The following YTHDC1 variants were observed in gnomAD, a reference collection of about 807,000 sequenced individuals.
YTHDC1 encodes the protein YTH N6-methyladenosine RNA binding protein C1.
Under a neutral mutation model 107.0 loss-of-function variants are expected in YTHDC1, and 12 were observed. The observed-to-expected ratio is 0.11, with a 90% CI of 0.07 to 0.18. The LOEUF (loss-of-function observed/expected upper bound fraction) is 0.18. Among genes scored for constraint, YTHDC1 ranks in the 10% least tolerant of loss-of-function variants. YTHDC1 has a pLI of 1.00. For synonymous variants in YTHDC1, 280 were observed against 289.5 expected (o/e 0.97, Z 0.33); for missense variants, 635 against 898.8 (o/e 0.71, Z 3.75).
Position 68,337,043 on chromosome 4 carries a change from T to C in YTHDC1, c.867A>G (p.Ser289=), listed in dbSNP as rs1242025116. 1.2e-6 allele frequency: 2 copies of C among 1,611,714 alleles called. No homozygotes were observed. Among genetic ancestry groups the C allele is most frequent in the African/African-American group, 1.3e-5 (1 of 74,918 alleles). Residue 289 remains serine, a synonymous_variant, in exon 4 of 17, where the codon TCA becomes TCG. Transcript: ENST00000344157. ...AAGTAGTACCTGATCCATCTGTGCCTGAACCAGATCTGACAGACCCATCTG... is the reference window on the plus strand; with the variant it reads ...AAGTAGTACCTGATCCATCTGTGCCCGAACCAGATCTGACAGACCCATCTG... ...SFTDGSVRSG[S]GTDGSDEKKK...
chr4:68,321,624 T>C (rs968467279), intron 11 of YTHDC1, among the ~76,000 whole-genome samples: 1 of 152,184 alleles, frequency 6.6e-6, no homozygotes, highest in Non-Finnish European at 1.5e-5. Flanking sequence ...AAAGACATCT[T>C]GGTGCTCAGT....
Position 68,346,505 on chromosome 4 carries a change from T to A in YTHDC1, c.28+3221A>T, listed in dbSNP as rs560770441. 3.9e-4 allele frequency among the ~76,000 whole-genome samples: 60 copies of A among 152,290 alleles called. 1 individual carries two copies. The South Asian group carries it at 8.1e-3, about 21-fold the overall frequency. On this transcript the variant is annotated intron_variant, in intron 1 of 16. Coordinates refer to ENST00000344157, the MANE Select transcript of YTHDC1 (RefSeq NM_001031732.4). ...GTCCAAAGATATAAAAATGGAGAATTCCAGAAATAATTCATAAGTTTTAAA... is the reference window on the plus strand; with the variant it reads ...GTCCAAAGATATAAAAATGGAGAATACCAGAAATAATTCATAAGTTTTAAA...
chr4:68,319,630 T>C (rs1722230520), intron 12 of YTHDC1, among the ~76,000 whole-genome samples: 1 of 152,146 alleles, frequency 6.6e-6, no homozygotes, highest in South Asian at 2.1e-4. Context: ...TGAATATAGT[T>C]TGCTCTCTTA....
intron 6 of YTHDC1, 78 bp downstream of exon 6, chr4:68,332,716 G>T: frequency 7.8e-7 from 1 of 1,278,664 alleles, no homozygotes; most frequent in Non-Finnish European, 1.1e-6. Context: ...ATTAAAAGCA[G>T]CTATTAATGG....
intron 4 of YTHDC1, among the ~76,000 whole-genome samples, chr4:68,335,421 T>C (rs894906299): frequency 2.0e-5 from 3 of 152,288 alleles, no homozygotes; most frequent in East Asian, 3.9e-4. Flanking sequence ...AGAGTTTTGA[T>C]ATCAAGATTT....
At chr4:68,328,595 ATAATT>A (rs1723240527) in intron 9 of YTHDC1, among the ~76,000 whole-genome samples, 1 of 152,214 alleles carries the variant, frequency 6.6e-6, no homozygotes, top group African/African-American at 2.4e-5. Context: ...GAGACAAACT[ATAATT>A]TAACTAATTT....
chr4:68,316,701 T>C (rs1488519880), intron 15 of YTHDC1, among the ~76,000 whole-genome samples: 1 of 152,200 alleles, frequency 6.6e-6, no homozygotes, highest in African/African-American at 2.4e-5. Flanking sequence ...ACATGGTGCT[T>C]ACTGTGAGCC....
chr4:68,314,423 A>AT, intron 16 of YTHDC1, 100 bp from the exon 17 acceptor site: 2 of 1,013,330 alleles, frequency 2.0e-6, no homozygotes, highest in Non-Finnish European at 2.7e-6. Flanking sequence ...ATTTTAAAAT[A>AT]TAAAAAAAGA....
intron 15 of YTHDC1, among the ~76,000 whole-genome samples, chr4:68,317,082 G>A (rs1236529206): frequency 6.6e-6 from 1 of 152,082 alleles, no homozygotes; most frequent in Non-Finnish European, 1.5e-5. Flanking sequence ...AAATTAGCCA[G>A]GCACAGTGGC....
At chr4:68,340,545 C>T (rs1024383313) in intron 1 of YTHDC1, among the ~76,000 whole-genome samples, 2 of 151,816 alleles carry the variant, frequency 1.3e-5, no homozygotes, top group South Asian at 2.1e-4. Flanking sequence ...ACACCATTTT[C>T]GGACTCTAAA....
At chr4:68,317,363 GAA>G (rs1207555174) in intron 15 of YTHDC1, among the ~76,000 whole-genome samples, 1 of 151,958 alleles carries the variant, frequency 6.6e-6, no homozygotes, top group Non-Finnish European at 1.5e-5. Context: ...ATCTAAAGGG[GAA>G]AAGTCTCATA....
chr4:68,338,637 C>T (rs966802185), intron 1 of YTHDC1, among the ~76,000 whole-genome samples: 6 of 152,186 alleles, frequency 3.9e-5, no homozygotes, highest in African/African-American at 9.7e-5. Context: ...AATCACGTGA[C>T]GCCAGGAGTT....
chr4:68,323,999 A>G (rs1722709782), intron 10 of YTHDC1, 140 bp downstream of exon 10: 3 of 690,886 alleles, frequency 4.3e-6, no homozygotes, highest in Non-Finnish European at 4.8e-6. Context: ...CACAGTTATT[A>G]TAAACTTCAG....
chr4:68,349,029 G>A lies in YTHDC1; in HGVS notation c.28+697C>T, dbSNP rs1725765564. On this transcript the variant is annotated intron_variant, in intron 1 of 16. Coordinates refer to ENST00000344157, the MANE Select transcript of YTHDC1 (RefSeq NM_001031732.4). ...CTGAAATTTATCCCTCCAACTCTCT[G>A]TAACTTGCATTCATTTGTTTCTGAC... is the stretch of plus-strand genomic sequence containing the variant. Among the ~76,000 whole-genome samples the A allele has an allele frequency of 1.3e-5, 2 of 152,074 alleles. 1 individual carries two copies. The highest frequency in any genetic ancestry group is 4.2e-4 in the South Asian group (2 of 4,814).
At chr4:68,326,206 G>A (rs575791379) in intron 9 of YTHDC1, among the ~76,000 whole-genome samples, 25 of 152,020 alleles carry the variant, frequency 1.6e-4, no homozygotes, top group Non-Finnish European at 3.1e-4. Context: ...TAAAAGCATA[G>A]GCCAAGCTAA....
At chr4:68,332,465 T>TA (rs939441038) in intron 6 of YTHDC1, among the ~76,000 whole-genome samples, 3 of 152,106 alleles carry the variant, frequency 2.0e-5, no homozygotes, top group Non-Finnish European at 4.4e-5. Flanking sequence ...CCAAGTTTTA[T>TA]AGATTTTCTT....
chr4:68,341,407 A>G (rs964538639), intron 1 of YTHDC1, among the ~76,000 whole-genome samples: 3 of 152,192 alleles, frequency 2.0e-5, no homozygotes, highest in Admixed American at 1.3e-4. Flanking sequence ...AAAATCAACT[A>G]TAACACCCTC....
At chr4:68,316,240 T>G in intron 16 of YTHDC1, 74 bp downstream of exon 16, 1 of 1,473,674 alleles carries the variant, frequency 6.8e-7, no homozygotes, top group Non-Finnish European at 9.2e-7. Flanking sequence ...CATCATACTC[T>G]GGTCTCCCCA....
chr4:68,325,701 A>G (rs1722921911), intron 9 of YTHDC1, among the ~76,000 whole-genome samples: 2 of 152,182 alleles, frequency 1.3e-5, no homozygotes, highest in South Asian at 4.1e-4. Context: ...CAGATCTTAT[A>G]TAACTTGTTT....
Sources: allele counts gnomAD v4.1 joint callset (sites outside exome capture counted in the v4.1 genomes callset), GRCh38; gene constraint gnomAD v4.1.1; transcripts MANE v1.5; gene names NCBI Gene and HGNC (gene_info 2026-07-23, HGNC 2026-07-21).